TASOR2: variants seen among roughly 807,000 people sequenced by gnomAD.
TASOR2 encodes transcription activation suppressor family member 2.
A neutral mutation model predicts 199.5 loss-of-function variants in TASOR2; 84 were observed. That is an observed-to-expected ratio of 0.42 (90% CI 0.35 to 0.50). The LOEUF is 0.50. TASOR2 is among the 20% of genes least tolerant of loss of function. TASOR2 has a pLI of 0.02. For missense variants in TASOR2, 2,796 were observed against 2,835.9 expected, an observed-to-expected ratio of 0.99 and a Z score of 0.32; for synonymous variants, 1,103 against 1,046.6, an observed-to-expected ratio of 1.05 and a Z score of -1.04.
At chr10:5,744,479 T>A (rs1836890996) in intron 14 of TASOR2, among the ~76,000 whole-genome samples, 1 of 151,918 alleles carries the variant, frequency 6.6e-6, no homozygotes, top group Non-Finnish European at 1.5e-5. Flanking sequence ...ATTTTTGTAT[T>A]TTTAGTAGAG....
rs1035551641 is a variant in TASOR2, at chr10:5,751,511, T to C, written c.6606+1484T>C. Among the ~76,000 whole-genome samples, 2 of 152,264 alleles carry C rather than the reference T, an allele frequency of 1.3e-5. No homozygotes were observed. Among genetic ancestry groups the C allele is most frequent in the Non-Finnish European group, 2.9e-5 (2 of 68,044 alleles). On this transcript the variant is annotated intron_variant, in intron 15 of 20. Coordinates refer to ENST00000328090, the Ensembl canonical transcript of TASOR2. This position sits in a 1 kb window ranked among gnomAD's most constrained non-coding sequence, Gnocchi z 5.3. ...TTTCTTCATTATTTTAATACTTAGA[T>C]TGTCCCAGACCCAGCCAGTGGGAGT...
In TASOR2 at chr10:5,714,154, G is replaced by A; in HGVS notation, c.-192+1236G>A. On this transcript the variant is annotated intron_variant, in intron 2 of 20. The change creates a new upstream start codon in the 5' untranslated region. Coordinates refer to ENST00000328090, the Ensembl canonical transcript of TASOR2. ...TTAAAGGCAAAATTGGTATGTCAGT[G>A]TGGACTCCGTGTTGGCAGCAGTGCT... The A allele has an allele frequency of 1.6e-6, 2 of 1,231,796 alleles. No homozygotes were observed. Among genetic ancestry groups the A allele is most frequent in the East Asian group, 3.2e-5 (1 of 31,694 alleles). 76.3% of individuals were successfully genotyped at this position (1,231,796 alleles called of 1,614,324 possible).
rs577413541 is a variant in TASOR2 at position 5,706,689 on chromosome 10, G to T, written c.-287-6134G>T. On this transcript the variant is annotated intron_variant, in intron 1 of 20. Transcript: ENST00000328090. This position sits in a 1 kb window ranked among gnomAD's most constrained non-coding sequence, Gnocchi z 4.8. ...TGACTACACAGTATGGCTCAGCAATGATTAATACATACAGTTAAGTAGTGA... is the reference window on the plus strand; with the variant it reads ...TGACTACACAGTATGGCTCAGCAATTATTAATACATACAGTTAAGTAGTGA... Among the ~76,000 whole-genome samples, 162 of 152,284 alleles carry T rather than the reference G, an allele frequency of 1.1e-3. No homozygotes were observed. Among genetic ancestry groups the T allele is most frequent in the African/African-American group, 3.8e-3 (157 of 41,562 alleles).
At chr10:5,749,639 G>A (rs1327916885) in exon 15 of TASOR2, 3 of 1,614,168 alleles carry the variant, frequency 1.9e-6, no homozygotes, top group Non-Finnish European at 2.5e-6. Context: ...AGAGAGAGAT[G>A]TAGTCATAAT....
At chr10:5,694,023 A>T (rs1434391818) in intron 1 of TASOR2, among the ~76,000 whole-genome samples, 2 of 152,282 alleles carry the variant, frequency 1.3e-5, no homozygotes, top group East Asian at 3.9e-4. Flanking sequence ...TCCGAGGTTT[A>T]TCTGAGTGGA....
chr10:5,709,622 C>T (rs1186942137), intron 1 of TASOR2: 6 of 1,231,000 alleles, frequency 4.9e-6, no homozygotes, highest in Admixed American at 4.2e-5. Flanking sequence ...CAGCTACATT[C>T]TCTCTTAGAG....
exon 15 of TASOR2, chr10:5,749,913 C>T (rs368181642): frequency 7.7e-5 from 125 of 1,614,054 alleles, no homozygotes; most frequent in Non-Finnish European, 9.7e-5. Flanking sequence ...TAATCATAGA[C>T]GTGTGCACCA....
rs1406566422 is a variant in TASOR2, at chr10:5,685,640, G to A, written c.-288+465G>A. 6.6e-6 allele frequency among the ~76,000 whole-genome samples: 1 copy of A among 152,194 alleles called. No homozygotes were observed. Among genetic ancestry groups the A allele is most frequent in the African/African-American group, 2.4e-5 (1 of 41,442 alleles). ...AGGGTAAAACAGGTCTCTCCGAAGG[G>A]AGGGTCATTTCAGCAGCAAGCGCAA... On this transcript the variant is annotated intron_variant, in intron 1 of 20. Coordinates refer to ENST00000328090, the Ensembl canonical transcript of TASOR2. The surrounding 1 kb of genome is among the most constrained non-coding windows in gnomAD (Gnocchi z 5.4).
At chr10:5,705,042 A>G (rs1212607939) in intron 1 of TASOR2, among the ~76,000 whole-genome samples, 2 of 152,228 alleles carry the variant, frequency 1.3e-5, no homozygotes, top group Non-Finnish European at 2.9e-5. Context: ...TAATTTAAGT[A>G]TATAGTTCAG....
At chr10:5,758,484 G>C (rs1488904576) in intron 17 of TASOR2, among the ~76,000 whole-genome samples, 8 of 152,124 alleles carry the variant, frequency 5.3e-5, no homozygotes, top group Non-Finnish European at 7.3e-5. Context: ...GCTATAGTGA[G>C]CTGAGATCAT....
intron 12 of TASOR2, among the ~76,000 whole-genome samples, chr10:5,736,117 T>G (rs889663519): frequency 6.6e-6 from 1 of 152,084 alleles, no homozygotes; most frequent in African/African-American, 2.4e-5. Context: ...TTTTTTGTAT[T>G]TTTTTACAGA....
chr10:5,760,304 A>G (rs1244738771), intron 18 of TASOR2, among the ~76,000 whole-genome samples: 4 of 152,202 alleles, frequency 2.6e-5, no homozygotes, highest in Non-Finnish European at 5.9e-5. Flanking sequence ...CTGAAACATC[A>G]TTATGTGGTA....
chr10:5,692,634 T>A (rs1836580432), intron 1 of TASOR2, among the ~76,000 whole-genome samples: 1 of 152,038 alleles, frequency 6.6e-6, no homozygotes. Context: ...TGTGCGGGGA[T>A]CTCCCAGCCC....
In TASOR2 at chr10:5,749,069, C is replaced by G. The variant is rs762218912; in HGVS notation, c.5648C>G (p.Ser1883Cys). ...AACAACCAAGAGGACTGGGGCTGCTCTAGCTGGGTTCCAGGCATGGAGACG... is the reference window on the plus strand; with the variant it reads ...AACAACCAAGAGGACTGGGGCTGCTGTAGCTGGGTTCCAGGCATGGAGACG... Residue 1883 changes from serine (S) to cysteine (C), a missense_variant, in exon 15 of 21, where the codon TCT becomes TGT. Physicochemically the swap from Ser to Cys is moderately radical, Grantham distance 112. Around this residue, in one of 3 missense-constraint regions of TASOR2, gnomAD observed 1,941 missense variants for 1,924.9 expected, o/e 1.01. Coordinates refer to ENST00000328090, the Ensembl canonical transcript of TASOR2. The G allele has an allele frequency of 1.9e-6, 3 of 1,614,002 alleles. No homozygotes were observed. The highest frequency in any genetic ancestry group is 2.7e-5 in the African/African-American group (2 of 74,902).
intron 15 of TASOR2, among the ~76,000 whole-genome samples, chr10:5,755,415 A>T (rs1337293395): frequency 2.6e-5 from 4 of 151,806 alleles, no homozygotes. Flanking sequence ...TCTACTAAAA[A>T]TGACAAAAAT....
chr10:5,762,676 T>C (rs2131671628), intron 20 of TASOR2, 30 bp downstream of exon 21: 2 of 1,027,234 alleles, frequency 1.9e-6, no homozygotes, highest in Non-Finnish European at 1.5e-6. Context: ...AACTTTCCCA[T>C]GTGAGTTGGA....
At chr10:5,704,969 T>G (rs1352400958) in intron 1 of TASOR2, among the ~76,000 whole-genome samples, 1 of 152,180 alleles carries the variant, frequency 6.6e-6, no homozygotes, top group Non-Finnish European at 1.5e-5. Flanking sequence ...AACCATTAGG[T>G]TTTGTTTTGG....
In TASOR2 at chr10:5,695,214, T is replaced by A. The variant is rs113509188; in HGVS notation, c.-288+10039T>A. Among the ~76,000 whole-genome samples the A allele has an allele frequency of 7.7e-3, 1,172 of 152,312 alleles. 14 individuals are homozygous for A. Among genetic ancestry groups the A allele is most frequent in the African/African-American group, 0.025 (1,057 of 41,558 alleles). ...AGGAATTGGACTGGATGCTGAGTAATCAGTAGTAAACAAAACAGATATGGT... is the reference window on the plus strand; with the variant it reads ...AGGAATTGGACTGGATGCTGAGTAAACAGTAGTAAACAAAACAGATATGGT... On this transcript the variant is annotated intron_variant, in intron 1 of 20. Transcript: ENST00000328090.
In TASOR2 at chr10:5,699,372, A is replaced by C. The variant is rs1223368377; in HGVS notation, c.-287-13451A>C. On this transcript the variant is annotated intron_variant, in intron 1 of 20. Coordinates refer to ENST00000328090, the Ensembl canonical transcript of TASOR2. This position sits in a 1 kb window ranked among gnomAD's most constrained non-coding sequence, Gnocchi z 4.1. Reference sequence around the variant, plus strand: ...AGGGGTAGAAGGTTTCTTTGGGGATAATGAAAATACTCTAAAATTGATTGT... The same window carrying C: ...AGGGGTAGAAGGTTTCTTTGGGGATCATGAAAATACTCTAAAATTGATTGT... The C allele has an allele frequency of 6.6e-6, 1 of 152,122 alleles. No homozygotes were observed. The highest frequency in any genetic ancestry group is 2.4e-5 in the African/African-American group (1 of 41,438). 9.4% of individuals were successfully genotyped at this position (152,122 alleles called of 1,614,324 possible). A position where few individuals can be genotyped will look rare whatever the true frequency, so the allele number is the denominator to read the frequency against.
Sources: allele counts gnomAD v4.1 joint callset (sites outside exome capture counted in the v4.1 genomes callset), GRCh38; gene constraint gnomAD v4.1.1; regional missense constraint gnomAD v4.1.1; non-coding constraint Gnocchi (gnomAD v3.1); transcripts MANE v1.5; gene names NCBI Gene and HGNC (gene_info 2026-07-23, HGNC 2026-07-21).